Variants in ACO1 observed in about 807,000 individuals in gnomAD.
ACO1 encodes aconitase 1.
In ACO1, 78 loss-of-function variants were observed where a neutral mutation model predicts 105.1. The ratio of observed to expected loss-of-function variants is 0.74; its 90% CI spans 0.62 to 0.90. The LOEUF is 0.90. Among genes scored for constraint, ACO1 ranks in the 40% least tolerant of loss-of-function variants. The pLI, the probability that ACO1 is intolerant of heterozygous loss-of-function variation, is 0.00. For synonymous variants in ACO1, 364 were observed against 397.4 expected (o/e 0.92, Z 1.00); for missense variants, 965 against 1,111.1 (o/e 0.87, Z 1.87).
chr9:32,435,738 G>A (rs1397523212), intron 17 of ACO1, among the ~76,000 whole-genome samples: 1 of 152,132 alleles, frequency 6.6e-6, no homozygotes, highest in African/African-American at 2.4e-5. Context: ...TGTAAGTTAT[G>A]TTGCCAGCTG....
At chr9:32,390,959 A>G (rs1821255730) in intron 1 of ACO1, among the ~76,000 whole-genome samples, 1 of 152,208 alleles carries the variant, frequency 6.6e-6, no homozygotes, top group Non-Finnish European at 1.5e-5. Context: ...ATATTGGGTC[A>G]CTTGTATTGG....
At chr9:32,397,504 G>A (rs1821397613) in intron 1 of ACO1, among the ~76,000 whole-genome samples, 2 of 152,120 alleles carry the variant, frequency 1.3e-5, no homozygotes, top group African/African-American at 2.4e-5. Flanking sequence ...TGATATTGCT[G>A]GCCATGATGA....
At position 32,423,350 on chromosome 9, in the gene ACO1, A is replaced by C. The variant is rs1181862593; in HGVS notation, c.1002A>C (p.Lys334Asn). The change falls in exon 9 of 21, where the codon AAA (lysine) becomes AAC (asparagine). Residue 334 changes from lysine (K) to asparagine (N), a missense_variant. Physicochemically the swap from Lys to Asn is moderately conservative, Grantham distance 94 (BLOSUM62 0). Coordinates refer to ENST00000309951, the MANE Select transcript of ACO1 (RefSeq NM_002197.3). ...GRDEEKLKYIKKYLQAVGMFR... is the reference protein window; with the variant it reads ...GRDEEKLKYINKYLQAVGMFR... ...ATGAAGAAAAATTAAAGTATATTAA[A>C]AAATATCTTCAGGCTGTAGGAATGT... 6.3e-7 allele frequency: 1 copy of C among 1,596,138 alleles called. No individual in the cohort carries two copies. Among genetic ancestry groups the C allele is most frequent in the Non-Finnish European group, 8.5e-7 (1 of 1,174,632 alleles).
intron 4 of ACO1, among the ~76,000 whole-genome samples, chr9:32,410,248 A>G (rs1218377471): frequency 6.6e-6 from 1 of 152,196 alleles, no homozygotes; most frequent in African/African-American, 2.4e-5. Flanking sequence ...TAGTGATTTG[A>G]TAAGGCCTAT....
intron 1 of ACO1, among the ~76,000 whole-genome samples, chr9:32,397,015 C>T (rs1409774675): frequency 6.6e-6 from 1 of 151,736 alleles, no homozygotes; most frequent in Non-Finnish European, 1.5e-5. Flanking sequence ...ATAGCACATT[C>T]TGGTCAGTTA....
chr9:32,428,830 C>T (rs1257780592), intron 12 of ACO1, among the ~76,000 whole-genome samples: 3 of 150,312 alleles, frequency 2.0e-5, no homozygotes, highest in Admixed American at 2.0e-4. Flanking sequence ...GGCAACAGAG[C>T]GAGACTCCGT....
At position 32,435,179 on chromosome 9, in the gene ACO1, T is replaced by C. The variant is rs182246646; in HGVS notation, c.2099+478T>C. On this transcript the variant is annotated intron_variant, in intron 17 of 20. Transcript: ENST00000309951. ...TATGCCAGTATTATCAACTACTGTC[T>C]CATATATTAATCGAGGTCAGTGGTT... 5.6e-3 allele frequency among the ~76,000 whole-genome samples: 847 copies of C among 152,324 alleles called. 2 individuals are homozygous for C. The highest frequency in any genetic ancestry group is 0.026 in the South Asian group (124 of 4,828).
intron 1 of ACO1, among the ~76,000 whole-genome samples, chr9:32,396,311 C>T (rs181617185): frequency 6.6e-6 from 1 of 152,216 alleles, no homozygotes; most frequent in East Asian, 1.9e-4. Context: ...CCTACTGTGG[C>T]CACTTTATCA....
At chr9:32,415,805 T>C (rs1821835069) in intron 4 of ACO1, among the ~76,000 whole-genome samples, 1 of 152,078 alleles carries the variant, frequency 6.6e-6, no homozygotes, top group South Asian at 2.1e-4. Context: ...AGCAGACTTT[T>C]TCTAGAAAGG....
chr9:32,416,438 T>C (rs1821851959), intron 4 of ACO1, among the ~76,000 whole-genome samples: 1 of 152,086 alleles, frequency 6.6e-6, no homozygotes, highest in African/African-American at 2.4e-5. Context: ...TTCCGGTCCC[T>C]TTTTTCCCAA....
rs1431271744 is a variant in ACO1 at position 32,454,005 on chromosome 9, C to CCAGA, written c.*3897_*3900dup. On this transcript the variant is annotated 3_prime_UTR_variant, in exon 21 of 21. Coordinates refer to ENST00000309951, the MANE Select transcript of ACO1 (RefSeq NM_002197.3). The stretch of plus-strand genomic sequence containing the variant: ...TTTTACGGCATAATGAAACAGAGTT[C>CCAGA]CAGACATGTACCTGCCAAATTTGGT... The CCAGA allele has an allele frequency of 5.3e-5, 8 of 152,186 alleles. No individual in the cohort carries two copies. Among genetic ancestry groups the CCAGA allele is most frequent in the Admixed American group, 3.9e-4 (6 of 15,278 alleles). 9.4% of individuals were successfully genotyped at this position (152,186 alleles called of 1,614,324 possible). A position where few individuals can be genotyped will look rare whatever the true frequency, so the allele number is the denominator to read the frequency against.
intron 4 of ACO1, among the ~76,000 whole-genome samples, chr9:32,413,965 C>T (rs1180853671): frequency 2.6e-5 from 4 of 151,818 alleles, no homozygotes; most frequent in African/African-American, 7.3e-5. Flanking sequence ...CTGGCTAACA[C>T]GGTGAAACCC....
At chr9:32,406,324 G>T (rs920647970) in intron 2 of ACO1, among the ~76,000 whole-genome samples, 2 of 151,792 alleles carry the variant, frequency 1.3e-5, no homozygotes, top group Non-Finnish European at 2.9e-5. Flanking sequence ...TATGTTACTT[G>T]TCAACATTTA....
intron 1 of ACO1, among the ~76,000 whole-genome samples, chr9:32,404,017 G>C (rs1013272229): frequency 7.9e-5 from 12 of 152,042 alleles, no homozygotes; most frequent in Non-Finnish European, 1.5e-4. Flanking sequence ...TTCATTTTCT[G>C]AGCCCACAGA....
chr9:32,413,631 CTG>C (rs925598583), intron 4 of ACO1, among the ~76,000 whole-genome samples: 4 of 152,084 alleles, frequency 2.6e-5, no homozygotes, highest in Non-Finnish European at 4.4e-5. Context: ...CTCTGTGAAA[CTG>C]TGTGCTGTGG....
rs1179873759 is a variant in ACO1 at position 32,394,834 on chromosome 9, T to C, written c.-23+10099T>C. 2.0e-5 allele frequency among the ~76,000 whole-genome samples: 3 copies of C among 152,326 alleles called. No homozygotes were observed. The East Asian group carries it at 5.8e-4, about 29-fold the overall frequency. ...TGCATATTGAGCTCTGAGAATTTTA[T>C]TAGCATGAGTCATAATCCCCGAGTT... On this transcript the variant is annotated intron_variant, in intron 1 of 20. Coordinates refer to ENST00000309951, the MANE Select transcript of ACO1 (RefSeq NM_002197.3).
chr9:32,424,594 C>G lies in ACO1; in HGVS notation c.1117C>G (p.Pro373Ala), dbSNP rs960121496. Residue 373 changes from proline (P) to alanine (A), a missense_variant, in exon 10 of 21, where the codon CCC (proline) becomes GCC (alanine). Pro to Ala is a conservative substitution (Grantham distance 27). Transcript: ENST00000309951. ...LKTVVPCCSG[P>A]KRPQDKVAVS... ...AACAGTAGTGCCTTGCTGTAGTGGA[C>G]CCAAAAGGCCTCAGGACAAAGTTGC... 1.2e-6 allele frequency: 2 copies of G among 1,614,030 alleles called. No homozygotes were observed. Among genetic ancestry groups the G allele is most frequent in the Admixed American group, 3.3e-5 (2 of 60,006 alleles).
Position 32,450,095 on chromosome 9 carries a change from G to T in ACO1, c.2654G>T (p.Arg885Leu). 6.2e-7 allele frequency: 1 copy of T among 1,613,518 alleles called. No homozygotes were observed. The highest frequency in any genetic ancestry group is 1.1e-5 in the South Asian group (1 of 91,062). The change falls in exon 21 of 21, where the codon CGC becomes CTC. Residue 885 changes from arginine (R) to leucine (L), a missense_variant. By Grantham distance (102) the Arg-to-Leu change is moderately radical (BLOSUM62 -2). Coordinates refer to ENST00000309951, the MANE Select transcript of ACO1 (RefSeq NM_002197.3). ...LNGGILNYMI[R>L]KMAK ...GGGGGCATCCTCAACTACATGATCC[G>T]CAAGATGGCCAAGTAGGAGACGTGC... is the stretch of plus-strand genomic sequence containing the variant.
At chr9:32,396,685 A>G (rs936271477) in intron 1 of ACO1, among the ~76,000 whole-genome samples, 3 of 152,072 alleles carry the variant, frequency 2.0e-5, no homozygotes, top group African/African-American at 7.2e-5. Context: ...ATGGGTCACC[A>G]TCTGATACTC....
Sources: gnomAD v4.1 joint callset for allele counts (sites outside exome capture counted in the v4.1 genomes callset) on GRCh38, gnomAD v4.1.1 for gene constraint, MANE v1.5 for transcripts, NCBI Gene and HGNC (gene_info 2026-07-23, HGNC 2026-07-21) for gene names.